The following HDHD2 variants were observed in gnomAD, a reference collection of about 807,000 sequenced individuals.
HDHD2 encodes haloacid dehalogenase like hydrolase domain containing 2.
In HDHD2, 26 loss-of-function variants were observed where a neutral mutation model predicts 24.8. That is an observed-to-expected ratio of 1.05 (90% CI 0.77 to 1.45). HDHD2 has a LOEUF of 1.45. HDHD2 is among the 40% of genes most tolerant of loss of function. The pLI is 0.00. For missense variants in HDHD2, 299 were observed against 313.4 expected, an observed-to-expected ratio of 0.95 and a Z score of 0.35; for synonymous variants, 128 against 114.9, an observed-to-expected ratio of 1.11 and a Z score of -0.73.
intron 2 of HDHD2, among the ~76,000 whole-genome samples, chr18:47,135,768 T>C (rs960493017): frequency 9.9e-5 from 15 of 152,250 alleles, no homozygotes; most frequent in African/African-American, 3.4e-4. Context: ...TCCGCTTACT[T>C]TAACATACTT....
intron 1 of HDHD2, among the ~76,000 whole-genome samples, chr18:47,139,276 G>C (rs2144371390): frequency 6.7e-6 from 1 of 150,296 alleles, no homozygotes; most frequent in African/African-American, 2.4e-5. Context: ...GGCTAACATG[G>C]TGAAACCCCA....
intron 1 of HDHD2, among the ~76,000 whole-genome samples, chr18:47,137,524 T>C (rs993938910): frequency 6.6e-6 from 1 of 152,230 alleles, no homozygotes; most frequent in African/African-American, 2.4e-5. Context: ...ATGTTCTGAT[T>C]GACATCAAGT....
intron 4 of HDHD2, among the ~76,000 whole-genome samples, chr18:47,127,064 G>A (rs2063665887): frequency 1.3e-5 from 2 of 152,086 alleles, no homozygotes; most frequent in African/African-American, 4.8e-5. Flanking sequence ...GGGAGGCTGA[G>A]GCAGGAGAAT....
intron 1 of HDHD2, among the ~76,000 whole-genome samples, chr18:47,141,967 T>A (rs567055461): frequency 7.9e-5 from 12 of 152,184 alleles, no homozygotes; most frequent in Non-Finnish European, 1.8e-4. Flanking sequence ...CTCCCAAGAT[T>A]TGATGGTTTA....
Position 47,120,945 on chromosome 18 carries a change from C to A in HDHD2, c.396-5597G>T, listed in dbSNP as rs368864400. ...GCCCAAAACAATTACAACAGTAACA[C>A]CAAAGATCACTGATCACCACAACAC... On this transcript the variant is annotated intron_variant, in intron 4 of 6. Transcript: ENST00000300605. Among the ~76,000 whole-genome samples the A allele has an allele frequency of 2.6e-5, 4 of 151,918 alleles. No individual in the cohort carries two copies. In the South Asian group the frequency reaches 6.2e-4, roughly 24 times the overall value.
At chr18:47,136,293 G>A (rs770474583) in intron 2 of HDHD2, 46 bp downstream of exon 2, 2 of 1,608,860 alleles carry the variant, frequency 1.2e-6, no homozygotes, top group East Asian at 2.2e-5. Flanking sequence ...GTGGTAAAAT[G>A]GCACTTACAA....
rs1200022775 is a variant in HDHD2 at position 47,150,431 on chromosome 18, C to CA, written c.-65dup. ...GGCCCCCGCTAATGGCAAAGCCAGC[C>CA]ACCCGCACTGGCCGCGGGTCCTCAG... On this transcript the variant is annotated 5_prime_UTR_variant, in exon 1 of 7. Coordinates refer to ENST00000300605, the MANE Select transcript of HDHD2 (RefSeq NM_032124.5). 6.6e-6 allele frequency: 1 copy of CA among 152,414 alleles called. No individual in the cohort carries two copies. The highest frequency in any genetic ancestry group is 2.4e-5 in the African/African-American group (1 of 41,482). 9.4% of individuals were successfully genotyped at this position (152,414 alleles called of 1,614,324 possible). A position where few individuals can be genotyped will look rare whatever the true frequency, so the allele number is the denominator to read the frequency against.
At chr18:47,111,809 T>G (rs1372610994) in intron 6 of HDHD2, 1 of 985,170 alleles carries the variant, frequency 1.0e-6, no homozygotes, top group Non-Finnish European at 1.2e-6. Flanking sequence ...CAAAACAGAT[T>G]TCAAGCAACC....
At chr18:47,141,309 T>C (rs2063817769) in intron 1 of HDHD2, among the ~76,000 whole-genome samples, 1 of 152,212 alleles carries the variant, frequency 6.6e-6, no homozygotes, top group African/African-American at 2.4e-5. Context: ...ATTATCTTTT[T>C]TTACTTACTG....
rs1026415241 is a variant in HDHD2 at position 47,107,884 on chromosome 18, T to G, written c.*798A>C. 7 of 152,670 alleles carry G rather than the reference T, an allele frequency of 4.6e-5. No individual in the cohort carries two copies. Among genetic ancestry groups the G allele is most frequent in the African/African-American group, 1.7e-4 (7 of 41,460 alleles). 9.5% of individuals were successfully genotyped at this position (152,670 alleles called of 1,614,324 possible). On this transcript the variant is annotated 3_prime_UTR_variant, in exon 7 of 7. Transcript: ENST00000300605. ...GTCTATAAGATATTATAAGGCTTGA[T>G]TCTAGTTTCTGCACTGTTCCTGTTA... is the stretch of plus-strand genomic sequence containing the variant.
Position 47,107,512 on chromosome 18 carries a change from C to A in HDHD2, c.*1170G>T, listed in dbSNP as rs1017046347. The stretch of plus-strand genomic sequence containing the variant: ...AGCTCATTAACATCAGAGTGAGCTT[C>A]AATAAGGTGAACACTACAATGATGT... On this transcript the variant is annotated 3_prime_UTR_variant, in exon 7 of 7. Transcript: ENST00000300605. 6.6e-6 allele frequency: 1 copy of A among 152,600 alleles called. No individual in the cohort carries two copies. The highest frequency in any genetic ancestry group is 2.4e-5 in the African/African-American group (1 of 41,422). The allele number at this position is 152,600 out of a possible 1,614,324, so 9.5% of individuals were successfully genotyped here.
chr18:47,143,937 T>C (rs72907247), intron 1 of HDHD2, among the ~76,000 whole-genome samples: 1,826 of 152,296 alleles, frequency 0.012, 21 homozygotes, highest in Non-Finnish European at 0.019. Context: ...TAAACATTTA[T>C]TGATGAATAA....
At chr18:47,129,328 T>A (rs565548988) in intron 4 of HDHD2, among the ~76,000 whole-genome samples, 1 of 152,230 alleles carries the variant, frequency 6.6e-6, no homozygotes, top group African/African-American at 2.4e-5. Flanking sequence ...ATGCACACAT[T>A]AACTGAAGAT....
chr18:47,115,332 C>CTCCA lies in HDHD2; in HGVS notation c.408_411dup (p.Ala138TrpfsTer59). 1 of 1,613,660 alleles carries CTCCA rather than the reference C, an allele frequency of 6.2e-7. No individual in the cohort carries two copies. On this transcript the variant is annotated frameshift_variant, in exon 5 of 7. Transcript: ENST00000300605. LOFTEE classifies it high-confidence loss of function. Reference sequence around the variant, plus strand: ...GCTTTGTGGATTGCTATCAGAGGTGCTCCATCCAGGAGTAACCTAGAGAGA... The same window carrying CTCCA: ...GCTTTGTGGATTGCTATCAGAGGTGCTCCATCCATCCAGGAGTAACCTAGAGAGA...
At chr18:47,111,478 A>G in intron 6 of HDHD2, 1 of 985,228 alleles carries the variant, frequency 1.0e-6, no homozygotes, top group Non-Finnish European at 1.2e-6. Context: ...TAAAACAGCA[A>G]AAGGCAGGAA....
chr18:47,129,081 T>G lies in HDHD2; in HGVS notation c.395+1163A>C, dbSNP rs190515996. 1.1e-3 allele frequency among the ~76,000 whole-genome samples: 170 copies of G among 152,264 alleles called. 6 individuals carry two copies. Among genetic ancestry groups the G allele is most frequent in the Admixed American group, 0.011 (168 of 15,290 alleles). ...AGAAAAATTTTCTAAGCTAGTCCAA[T>G]ATGCAATATTTTGAACTATATACTT... On this transcript the variant is annotated intron_variant, in intron 4 of 6. Coordinates refer to ENST00000300605, the MANE Select transcript of HDHD2 (RefSeq NM_032124.5).
At chr18:47,146,121 C>T (rs1000343246) in intron 1 of HDHD2, among the ~76,000 whole-genome samples, 2 of 150,542 alleles carry the variant, frequency 1.3e-5, no homozygotes, top group Non-Finnish European at 2.9e-5. Context: ...CCCAGCTACT[C>T]GGGAGGCTGA....
intron 1 of HDHD2, among the ~76,000 whole-genome samples, chr18:47,138,345 C>A (rs2063787476): frequency 6.6e-6 from 1 of 152,010 alleles, no homozygotes; most frequent in Admixed American, 6.6e-5. Flanking sequence ...AAATGTTCAA[C>A]CCAAGTTGAA....
intron 3 of HDHD2, among the ~76,000 whole-genome samples, chr18:47,132,238 T>C (rs2063720209): frequency 6.6e-6 from 1 of 152,226 alleles, no homozygotes; most frequent in Non-Finnish European, 1.5e-5. Flanking sequence ...ATATATCCTA[T>C]GCAGAGCACT....
Sources: allele counts gnomAD v4.1 joint callset (sites outside exome capture counted in the v4.1 genomes callset), GRCh38; gene constraint gnomAD v4.1.1; transcripts MANE v1.5; gene names NCBI Gene and HGNC (gene_info 2026-07-23, HGNC 2026-07-21).